The following SLC30A7 variants were observed in gnomAD, a reference collection of about 807,000 sequenced individuals.
The protein encoded by SLC30A7 is zinc transporter 7.
SLC30A7 carries 35 observed loss-of-function variants against 46.0 expected under a neutral mutation model. That is an observed-to-expected ratio of 0.76 (90% CI 0.58 to 1.01). SLC30A7 has a LOEUF of 1.01. Among genes scored for constraint, SLC30A7 ranks in the 50% least tolerant of loss-of-function variants. The pLI is 0.00. For missense variants in SLC30A7, 464 were observed against 451.1 expected (o/e 1.03, Z -0.26); for synonymous variants, 147 against 157.8 (o/e 0.93, Z 0.51).
intron 9 of SLC30A7, 97 bp from the exon 10 acceptor site, chr1:100,965,672 G>A: frequency 7.1e-6 from 7 of 980,362 alleles, no homozygotes; most frequent in East Asian, 4.9e-5. Context: ...TAAAATGGAC[G>A]ATAGAATCCA....
At chr1:100,983,375 C>CAAAAAAAAAAAAAAAAAAA (rs779529890), downstream of SLC30A7, among the ~76,000 whole-genome samples, 4 of 76,448 alleles carry the variant, frequency 5.2e-5, no homozygotes, top group African/African-American at 9.8e-5. Context: ...TACTTTGAGG[C>CAAAAAAAAAAAAAAAAAAA]AAAAAAAAAA....
chr1:100,965,747 A>T, intron 9 of SLC30A7, 22 bp from the exon 10 acceptor site: 1 of 1,605,966 alleles, frequency 6.2e-7, no homozygotes, highest in South Asian at 1.1e-5. Context: ...TATGATGTTA[A>T]TATCTCTCCT....
chr1:100,965,770 T>C lies in SLC30A7; in HGVS notation c.935T>C (p.Val312Ala). The C allele has an allele frequency of 6.2e-7, 1 of 1,613,136 alleles. No individual in the cohort carries two copies. Among genetic ancestry groups the C allele is most frequent in the South Asian group, 1.1e-5 (1 of 91,048 alleles). ...TAATATCTCTCCTTTATATTTCAGG[T>C]ACAGCAGTTGCAAGGAGTTTACAGT... ...ENSLPQCYQR[V>A]QQLQGVYSLQ... Residue 312 changes from valine (V) to alanine (A), a missense_variant and splice_region_variant, in exon 10 of 11, where the codon GTA becomes GCA. Val to Ala is a moderately conservative substitution (Grantham distance 64, BLOSUM62 0). Coordinates refer to ENST00000357650, the MANE Select transcript of SLC30A7 (RefSeq NM_133496.5).
the SLC30A7 span, among the ~76,000 whole-genome samples, chr1:100,987,637 T>G: frequency 6.6e-6 from 1 of 151,228 alleles, no homozygotes; most frequent in East Asian, 1.9e-4. Flanking sequence ...TCATCTAGTT[T>G]ATGTTCGGAT....
intron 5 of SLC30A7, 142 bp downstream of exon 5, chr1:100,912,380 T>G: frequency 1.1e-6 from 1 of 941,350 alleles, no homozygotes; most frequent in South Asian, 1.7e-5. Context: ...TCCCTTTCAC[T>G]TCTTTATGCC....
chr1:100,987,197 ACGTTAGTTATGATTTTCTTTATTTATTC>A, the SLC30A7 span, among the ~76,000 whole-genome samples: 1 of 152,088 alleles, frequency 6.6e-6, no homozygotes, highest in African/African-American at 2.4e-5. Context: ...TTTACCTGTT[ACGTTAGTTATGATTTTCTTTATTTATTC>A]CACTTGGGGT....
chr1:100,959,088 A>G (rs1655397485), intron 8 of SLC30A7, among the ~76,000 whole-genome samples: 1 of 152,202 alleles, frequency 6.6e-6, no homozygotes, highest in Non-Finnish European at 1.5e-5. Context: ...GGTAAAGTAC[A>G]AGTATGTTAT....
At chr1:100,941,926 G>A in intron 8 of SLC30A7, 2 of 296,888 alleles carry the variant, frequency 6.7e-6, no homozygotes, top group Non-Finnish European at 1.3e-5. Flanking sequence ...TTGTTTCAAA[G>A]CCAACCCTCC....
chr1:100,950,020 C>T (rs1194205203), intron 8 of SLC30A7, among the ~76,000 whole-genome samples: 1 of 152,170 alleles, frequency 6.6e-6, no homozygotes, highest in African/African-American at 2.4e-5. Flanking sequence ...CAGGGTGCAC[C>T]CACTGTCCAA....
At chr1:100,950,076 A>T (rs976175992) in intron 8 of SLC30A7, among the ~76,000 whole-genome samples, 3 of 152,198 alleles carry the variant, frequency 2.0e-5, no homozygotes, top group Non-Finnish European at 4.4e-5. Context: ...GAAATGCAGG[A>T]ATCACCCGTC....
intron 2 of SLC30A7, 126 bp from the exon 3 acceptor site, chr1:100,906,719 TATATAGC>T: frequency 1.6e-6 from 1 of 608,040 alleles, no homozygotes; most frequent in Non-Finnish European, 2.9e-6. Context: ...CAAAGCTATC[TATATAGC>T]ATATTTAAAT....
chr1:100,904,855 G>A (rs142480194), intron 2 of SLC30A7, among the ~76,000 whole-genome samples: 9 of 152,234 alleles, frequency 5.9e-5, no homozygotes, highest in African/African-American at 1.9e-4. Context: ...GGTAGATTCT[G>A]TAAGCCTCAA....
rs959786665 is a variant in SLC30A7 at position 100,978,083 on chromosome 1, T to C, written c.*3226T>C. On this transcript the variant is annotated 3_prime_UTR_variant, in exon 11 of 11. Coordinates refer to ENST00000357650, the MANE Select transcript of SLC30A7 (RefSeq NM_133496.5). The stretch of plus-strand genomic sequence containing the variant: ...GCTTTGGTTTTTTAAACATAGATTA[T>C]ATTCCTCAAGATGAAGGGCTTAACA... 1 of 152,252 alleles carries C rather than the reference T, an allele frequency of 6.6e-6. No individual in the cohort carries two copies. The highest frequency in any genetic ancestry group is 2.4e-5 in the African/African-American group (1 of 41,458). 9.4% of individuals were successfully genotyped at this position (152,252 alleles called of 1,614,324 possible). A position where few individuals can be genotyped will look rare whatever the true frequency, so the allele number is the denominator to read the frequency against.
the SLC30A7 span, chr1:100,990,487 T>C: frequency 1.1e-5 from 18 of 1,614,070 alleles, no homozygotes; most frequent in Admixed American, 1.7e-5. Context: ...CTCCATTGGA[T>C]GTATGCTGCC....
intron 3 of SLC30A7, among the ~76,000 whole-genome samples, chr1:100,910,153 C>T (rs190229664): frequency 6.6e-6 from 1 of 152,070 alleles, no homozygotes; most frequent in Admixed American, 6.5e-5. Flanking sequence ...CAGTAAAAAT[C>T]GTTATTACCT....
chr1:100,896,280 C>G lies in SLC30A7; in HGVS notation c.18C>G (p.Ile6Met). 1 of 1,614,228 alleles carries G rather than the reference C, an allele frequency of 6.2e-7. No homozygotes were observed. Among genetic ancestry groups the G allele is most frequent in the Non-Finnish European group, 8.5e-7 (1 of 1,180,046 alleles). MLPLS[I>M]KDDEYKPPKF... is the part of the protein sequence containing the mutation. ...CAGAGAAGATGTTGCCCCTGTCCAT[C>G]AAAGACGATGAATACAAACCACCCA... The change falls in exon 1 of 11, where the codon ATC (isoleucine) becomes ATG (methionine). Residue 6 changes from isoleucine to methionine, a missense_variant. Coordinates refer to ENST00000357650, the MANE Select transcript of SLC30A7 (RefSeq NM_133496.5).
intron 8 of SLC30A7, among the ~76,000 whole-genome samples, chr1:100,928,170 T>C (rs897575534): frequency 2.0e-5 from 3 of 152,092 alleles, no homozygotes; most frequent in African/African-American, 7.2e-5. Context: ...GTAATCAAGA[T>C]GGGTAGAGGG....
rs1203596041 is a variant in SLC30A7 at position 100,976,559 on chromosome 1, C to T, written c.*1702C>T. ...TGAAGAGAAAATGATCTGATTTTCC[C>T]TTATACTTCATTTTACAATACATAT... On this transcript the variant is annotated 3_prime_UTR_variant, in exon 11 of 11. Coordinates refer to ENST00000357650, the MANE Select transcript of SLC30A7 (RefSeq NM_133496.5). 6.6e-6 allele frequency: 1 copy of T among 152,038 alleles called. No individual in the cohort carries two copies. The highest frequency in any genetic ancestry group is 6.6e-5 in the Admixed American group (1 of 15,264). 9.4% of individuals were successfully genotyped at this position (152,038 alleles called of 1,614,324 possible).
chr1:100,960,001 G>T (rs1396100998), intron 8 of SLC30A7, among the ~76,000 whole-genome samples: 3 of 152,126 alleles, frequency 2.0e-5, no homozygotes, highest in African/African-American at 4.8e-5. Context: ...ATTAAATCAC[G>T]AGAACTTGGT....
Sources: gnomAD v4.1 joint callset for allele counts (sites outside exome capture counted in the v4.1 genomes callset) on GRCh38, gnomAD v4.1.1 for gene constraint, MANE v1.5 for transcripts, NCBI Gene and HGNC (gene_info 2026-07-23, HGNC 2026-07-21) for gene names.